The following HAUS1 variants were observed in gnomAD, a reference collection of about 807,000 sequenced individuals.
The protein encoded by HAUS1 is HAUS augmin like complex subunit 1.
HAUS1 carries 25 observed loss-of-function variants against 38.6 expected under a neutral mutation model. That is an observed-to-expected ratio of 0.65 (90% CI 0.47 to 0.91). The LOEUF (loss-of-function observed/expected upper bound fraction) is 0.91. Among genes scored for constraint, HAUS1 ranks in the 40% least tolerant of loss-of-function variants. The probability of loss-of-function intolerance (pLI) is 0.00; values close to 1 mark genes in which losing one functional copy is unlikely to be tolerated. For missense variants in HAUS1, 325 were observed against 328.4 expected (o/e 0.99, Z 0.08); for synonymous variants, 109 against 112.9 (o/e 0.97, Z 0.22).
At chr18:46,110,563 G>A (rs1911604651) in intron 2 of HAUS1, among the ~76,000 whole-genome samples, 1 of 151,710 alleles carries the variant, frequency 6.6e-6, no homozygotes. Flanking sequence ...GGCTGGTCTT[G>A]AGCTCCTAAC....
chr18:46,107,555 C>T (rs1458011522), intron 2 of HAUS1, among the ~76,000 whole-genome samples: 1 of 152,082 alleles, frequency 6.6e-6, no homozygotes, highest in Admixed American at 6.6e-5. Context: ...CTAAGTTTTT[C>T]CTTCTTTTAT....
intron 6 of HAUS1, 37 bp from the exon 7 acceptor site, chr18:46,124,785 T>A: frequency 8.3e-7 from 1 of 1,211,712 alleles, no homozygotes; most frequent in Non-Finnish European, 1.2e-6. Context: ...ATTGTGAATG[T>A]TTCTATTACT....
At chr18:46,115,539 G>A (rs1323565398) in intron 2 of HAUS1, among the ~76,000 whole-genome samples, 2 of 151,210 alleles carry the variant, frequency 1.3e-5, no homozygotes, top group African/African-American at 4.9e-5. Flanking sequence ...GAGGTGGGAG[G>A]ATTGCTTGAG....
intron 2 of HAUS1, among the ~76,000 whole-genome samples, chr18:46,109,469 G>A (rs888475911): frequency 6.6e-6 from 1 of 152,132 alleles, no homozygotes; most frequent in Admixed American, 6.5e-5. Flanking sequence ...ATTTCATTAT[G>A]ACCAGAGAAT....
chr18:46,105,532 TTA>T, intron 2 of HAUS1, 164 bp downstream of exon 2: 1 of 584,224 alleles, frequency 1.7e-6, no homozygotes, highest in Non-Finnish European at 3.0e-6. Flanking sequence ...TGTTTTATGT[TTA>T]TATATATGTA....
chr18:46,113,132 A>G (rs1911717990), intron 2 of HAUS1, among the ~76,000 whole-genome samples: 1 of 133,838 alleles, frequency 7.5e-6, no homozygotes, highest in African/African-American at 2.7e-5. Context: ...AGGCTGGAGC[A>G]GTGGCGGAAT....
At chr18:46,119,715 C>T (rs1381776738) in intron 3 of HAUS1, among the ~76,000 whole-genome samples, 3 of 152,012 alleles carry the variant, frequency 2.0e-5, no homozygotes, top group African/African-American at 4.8e-5. Context: ...ATGACAGGGA[C>T]GCTCATCTGA....
At chr18:46,124,766 A>G in intron 6 of HAUS1, 56 bp from the exon 7 acceptor site, 1 of 888,728 alleles carries the variant, frequency 1.1e-6, no homozygotes, top group Non-Finnish European at 1.9e-6. Context: ...AATGGACAGT[A>G]TTAGTTGCAT....
intron 2 of HAUS1, among the ~76,000 whole-genome samples, chr18:46,112,983 TATA>T (rs1911697585): frequency 1.3e-4 from 6 of 44,550 alleles, no homozygotes; most frequent in African/African-American, 6.9e-4. Flanking sequence ...ATATTATATA[TATA>T]ATATATATTC....
In HAUS1 at chr18:46,122,538, A is replaced by G. The variant is rs761402905; in HGVS notation, c.548A>G (p.Asp183Gly). Residue 183 changes from aspartate to glycine, a missense_variant, in exon 5 of 9, where the codon GAC becomes GGC. Asp to Gly is a moderately conservative substitution (Grantham distance 94). Coordinates refer to ENST00000282058, the MANE Select transcript of HAUS1 (RefSeq NM_138443.4). ...GTTGATAATCGTCGTCAGAACATGG[A>G]CTTTCTAAAAGCAAAGTCAGAGGAA... ...AKVDNRRQNMDFLKAKSEEFR... is the reference protein window; with the variant it reads ...AKVDNRRQNMGFLKAKSEEFR... 5 of 1,614,026 alleles carry G rather than the reference A, an allele frequency of 3.1e-6. No individual in the cohort carries two copies. In the East Asian group the frequency reaches 1.1e-4, roughly 36 times the overall value.
At chr18:46,120,987 T>C (rs1911924036) in intron 4 of HAUS1, among the ~76,000 whole-genome samples, 1 of 152,248 alleles carries the variant, frequency 6.6e-6, no homozygotes, top group South Asian at 2.1e-4. Flanking sequence ...TTGTGCATTC[T>C]TGCTATAGCT....
At chr18:46,108,444 A>G (rs141455006) in intron 2 of HAUS1, among the ~76,000 whole-genome samples, 3 of 151,666 alleles carry the variant, frequency 2.0e-5, no homozygotes, top group East Asian at 3.9e-4. Context: ...GGCCCACTCT[A>G]ATTTTTATTA....
At chr18:46,116,527 C>T (rs373408820) in intron 2 of HAUS1, among the ~76,000 whole-genome samples, 1 of 151,794 alleles carries the variant, frequency 6.6e-6, no homozygotes, top group Non-Finnish European at 1.5e-5. Context: ...TACCATTGTA[C>T]TCCAGCCTGG....
chr18:46,106,208 C>A (rs1210709189), intron 2 of HAUS1, among the ~76,000 whole-genome samples: 1 of 152,124 alleles, frequency 6.6e-6, no homozygotes, highest in African/African-American at 2.4e-5. Context: ...CGGTGGCTTA[C>A]GCCTGTAATC....
At chr18:46,124,560 T>C (rs1329772338) in intron 6 of HAUS1, among the ~76,000 whole-genome samples, 1 of 151,978 alleles carries the variant, frequency 6.6e-6, no homozygotes, top group East Asian at 1.9e-4. Flanking sequence ...CACTCCAGCC[T>C]GGGCAACACA....
At chr18:46,112,903 T>C (rs867086932) in intron 2 of HAUS1, among the ~76,000 whole-genome samples, 5 of 113,164 alleles carry the variant, frequency 4.4e-5, no homozygotes, top group South Asian at 2.5e-4. Flanking sequence ...TTCCATATTA[T>C]ATATATAATA....
At chr18:46,125,959 G>A (rs955768008) in intron 8 of HAUS1, 168 bp downstream of exon 8, 60 of 547,380 alleles carry the variant, frequency 1.1e-4, no homozygotes, top group East Asian at 5.8e-4. Flanking sequence ...GGCTGTGTAC[G>A]TGTGTATATA....
At chr18:46,122,331 A>G (rs959802600) in intron 4 of HAUS1, 136 bp from the exon 5 acceptor site, 3 of 765,660 alleles carry the variant, frequency 3.9e-6, no homozygotes, top group African/African-American at 1.8e-5. Flanking sequence ...CCAGAGTGCA[A>G]CATGGAGGGG....
intron 6 of HAUS1, 141 bp from the exon 7 acceptor site, chr18:46,124,681 A>G (rs1912048737): frequency 6.1e-6 from 3 of 494,488 alleles, no homozygotes; most frequent in East Asian, 6.2e-5. Context: ...GAGTTTGTCT[A>G]TCTTTGAAGC....
Sources: allele counts gnomAD v4.1 joint callset (sites outside exome capture counted in the v4.1 genomes callset), GRCh38; gene constraint gnomAD v4.1.1; transcripts MANE v1.5; gene names NCBI Gene and HGNC (gene_info 2026-07-23, HGNC 2026-07-21).